Variants in DOCK1 observed in about 807,000 individuals in gnomAD.
DOCK1 encodes dedicator of cytokinesis 1, also known as dedicator of cytokinesis protein 1.
Under a neutral mutation model 262.7 loss-of-function variants are expected in DOCK1, and 138 were observed. The observed-to-expected ratio is 0.53, with a 90% CI of 0.46 to 0.61. The LOEUF is 0.61. DOCK1 is among the 20% of genes least tolerant of loss of function. The pLI, the probability that DOCK1 is intolerant of heterozygous loss-of-function variation, is 0.00. For synonymous variants in DOCK1, 866 were observed against 867.4 expected, an observed-to-expected ratio of 1.00 and a Z score of 0.03; for missense variants, 1,908 against 2,370.7, an observed-to-expected ratio of 0.80 and a Z score of 4.05.
intron 50 of DOCK1, 88 bp from the exon 51 acceptor site, chr10:127,447,306 T>C: frequency 1.3e-6 from 2 of 1,534,838 alleles, no homozygotes; most frequent in Non-Finnish European, 8.8e-7. Flanking sequence ...TGTGCCTGCC[T>C]CTCTGGGAGG....
At chr10:127,049,153 T>A (rs2044541471) in intron 21 of DOCK1, among the ~76,000 whole-genome samples, 1 of 152,186 alleles carries the variant, frequency 6.6e-6, no homozygotes, top group South Asian at 2.1e-4. Context: ...TATATACACA[T>A]AATTGAGAGG....
intron 27 of DOCK1, among the ~76,000 whole-genome samples, chr10:127,216,480 C>T (rs2058219296): frequency 6.6e-6 from 1 of 152,138 alleles, no homozygotes. Flanking sequence ...TCTGAGCTAG[C>T]TTGTCCTGGA....
chr10:127,225,640 G>T (rs1295655811), intron 27 of DOCK1, among the ~76,000 whole-genome samples: 1 of 152,224 alleles, frequency 6.6e-6, no homozygotes, highest in Non-Finnish European at 1.5e-5. Context: ...ATAGCGAGAA[G>T]CTAGTCTTTT....
In DOCK1 at chr10:127,190,665, TCCCCCCCCCC is replaced by T. The variant is rs56041181; in HGVS notation, c.2848-57334_2848-57325del. 3.6e-4 allele frequency among the ~76,000 whole-genome samples: 15 copies of T among 41,784 alleles called. 2 individuals carry two copies. Among genetic ancestry groups the T allele is most frequent in the South Asian group, 1.5e-3 (2 of 1,324 alleles). 27.4% of individuals were successfully genotyped at this position (41,784 alleles called of 152,430 possible). A position where few individuals can be genotyped will look rare whatever the true frequency, so the allele number is the denominator to read the frequency against. On this transcript the variant is annotated intron_variant, in intron 27 of 51. Transcript: ENST00000623213. The stretch of plus-strand genomic sequence containing the variant: ...CAAATATTTAATAGAAATCCTATCT[TCCCCCCCCCC>T]CCCCCCCCGTTCCTGCTGGCTCCCA...
At position 127,000,178 on chromosome 10, in the gene DOCK1, G is replaced by A. The variant is rs1447893528; in HGVS notation, c.856G>A (p.Gly286Arg). 1.2e-6 allele frequency: 2 copies of A among 1,613,818 alleles called. No individual in the cohort carries two copies. The highest frequency in any genetic ancestry group is 2.2e-5 in the East Asian group (1 of 44,880). The stretch of plus-strand genomic sequence containing the variant: ...TGGAAACTAATATTTCTAGGACCTC[G>A]GAAGCAAAGACCTGAAAAGGGAGAA... ...HNLRAVFTDL[G>R]SKDLKREKIS... Residue 286 changes from glycine (G) to arginine (R), a missense_variant, in exon 10 of 52, where the codon GGA (glycine) becomes AGA (arginine). This residue lies in a region of DOCK1 where 102 missense variants were observed against 154.9 expected (regional missense o/e 0.66). Transcript: ENST00000623213.
In DOCK1 at chr10:127,407,959, A is replaced by AG. The variant is rs2067616469; in HGVS notation, c.4123-1076dup. ...GACAGGATGGGTGGGGGGAGGCAGA[A>AG]GGCTTCCAAAACCAGCAGCAGCATT... On this transcript the variant is annotated intron_variant, in intron 40 of 51. Transcript: ENST00000623213. Among the ~76,000 whole-genome samples, 6 of 152,094 alleles carry AG rather than the reference A, an allele frequency of 3.9e-5. No homozygotes were observed. The South Asian group carries it at 1.2e-3, about 32-fold the overall frequency.
In DOCK1 at chr10:126,984,536, T is replaced by TG. The variant is rs201635636; in HGVS notation, c.227+2563_227+2564insG. 6.8e-4 allele frequency among the ~76,000 whole-genome samples: 93 copies of TG among 136,838 alleles called. 1 individual carries two copies. In the East Asian group the frequency reaches 0.011, roughly 16 times the overall value. 89.8% of individuals were successfully genotyped at this position (136,838 alleles called of 152,430 possible). A position where few individuals can be genotyped will look rare whatever the true frequency, so the allele number is the denominator to read the frequency against. ...TAATTTTTGTGTGTGTGTGTGTGTG[T>TG]TTTTTTTTTTTCAGTAGAGATGGGG... On this transcript the variant is annotated intron_variant, in intron 4 of 51. Coordinates refer to ENST00000623213, the MANE Select transcript of DOCK1 (RefSeq NM_001290223.2).
intron 1 of DOCK1, among the ~76,000 whole-genome samples, chr10:126,950,965 A>G (rs2036166188): frequency 6.6e-6 from 1 of 151,782 alleles, no homozygotes; most frequent in South Asian, 2.1e-4. Flanking sequence ...TGGTGGTAAC[A>G]TTGCTGGCGG....
chr10:127,292,108 A>G (rs2061363999), intron 29 of DOCK1, among the ~76,000 whole-genome samples: 2 of 152,196 alleles, frequency 1.3e-5, no homozygotes, highest in South Asian at 2.1e-4. Flanking sequence ...GCCTCTGACA[A>G]TATTTCTAAT....
At chr10:127,410,740 A>T (rs1456678079) in intron 42 of DOCK1, 100 bp from the exon 43 acceptor site, 6 of 1,033,930 alleles carry the variant, frequency 5.8e-6, no homozygotes, top group Non-Finnish European at 8.5e-6. Context: ...GGGACATTTT[A>T]CAGGAGGCAG....
intron 5 of DOCK1, among the ~76,000 whole-genome samples, 163 bp from the exon 6 acceptor site, chr10:126,990,292 T>C (rs777984244): frequency 1.3e-4 from 20 of 152,064 alleles, no homozygotes; most frequent in Non-Finnish European, 2.6e-4. Context: ...TTCCGTATAA[T>C]ATGTTTTAGT....
At chr10:127,000,082 G>C in intron 9 of DOCK1, 90 bp from the exon 10 acceptor site, 2 of 1,456,942 alleles carry the variant, frequency 1.4e-6, no homozygotes, top group Non-Finnish European at 1.9e-6. Flanking sequence ...TCTGAGAAGA[G>C]TCTCAATCCA....
chr10:127,092,265 G>A (rs2047582526), intron 23 of DOCK1, among the ~76,000 whole-genome samples: 1 of 152,204 alleles, frequency 6.6e-6, no homozygotes, highest in Non-Finnish European at 1.5e-5. Flanking sequence ...GCTGGATCGG[G>A]GAGGAGAGGT....
intron 1 of DOCK1, among the ~76,000 whole-genome samples, chr10:126,915,668 G>A (rs1418867677): frequency 6.6e-6 from 1 of 152,140 alleles, no homozygotes; most frequent in Non-Finnish European, 1.5e-5. Context: ...AGCCAGGATG[G>A]TCTCGATCTC....
intron 1 of DOCK1, among the ~76,000 whole-genome samples, chr10:126,931,778 C>T (rs1243468328): frequency 7.9e-5 from 12 of 152,070 alleles, no homozygotes; most frequent in Middle Eastern, 3.2e-3. Flanking sequence ...CTTCATCTAT[C>T]GACTGAGGAT....
intron 23 of DOCK1, among the ~76,000 whole-genome samples, chr10:127,062,408 T>C (rs1420295156): frequency 1.6e-4 from 24 of 152,230 alleles, no homozygotes; most frequent in Admixed American, 1.6e-3. Flanking sequence ...TCAGAATCCT[T>C]TCTACTTGCT....
intron 27 of DOCK1, among the ~76,000 whole-genome samples, chr10:127,129,552 G>T (rs2050178101): frequency 6.6e-6 from 1 of 152,198 alleles, no homozygotes; most frequent in Admixed American, 6.5e-5. Context: ...AGGATTTGCA[G>T]TGACTCCACG....
At chr10:127,229,139 G>C (rs1386516025) in intron 27 of DOCK1, among the ~76,000 whole-genome samples, 1 of 152,064 alleles carries the variant, frequency 6.6e-6, no homozygotes, top group East Asian at 1.9e-4. Flanking sequence ...CAGGAGAATC[G>C]CTTGAACCCA....
intron 23 of DOCK1, among the ~76,000 whole-genome samples, chr10:127,083,652 T>C (rs2047037255): frequency 6.6e-6 from 1 of 152,198 alleles, no homozygotes. Flanking sequence ...GGAAGATGAT[T>C]AGTGAGTTCT....
Sources: allele counts gnomAD v4.1 joint callset (sites outside exome capture counted in the v4.1 genomes callset), GRCh38; gene constraint gnomAD v4.1.1; regional missense constraint gnomAD v4.1.1; transcripts MANE v1.5; gene names NCBI Gene and HGNC (gene_info 2026-07-23, HGNC 2026-07-21).